MERTK: variants seen among roughly 807,000 people sequenced by gnomAD.
The protein encoded by MERTK is MER proto-oncogene, tyrosine kinase, also known as tyrosine-protein kinase Mer.
MERTK carries 69 observed loss-of-function variants against 99.3 expected under a neutral mutation model. That is an observed-to-expected ratio of 0.70 (90% CI 0.57 to 0.85). MERTK has a LOEUF of 0.85. Among genes scored for constraint, MERTK ranks in the 40% least tolerant of loss-of-function variants. The pLI is 0.00. For synonymous variants in MERTK, 426 were observed against 467.6 expected, an observed-to-expected ratio of 0.91 and a Z score of 1.15; for missense variants, 1,125 against 1,249.4, an observed-to-expected ratio of 0.90 and a Z score of 1.50.
intron 3 of MERTK, 121 bp from the exon 4 acceptor site, chr2:111,947,273 C>T (rs1175377768): frequency 3.1e-6 from 2 of 643,938 alleles, no homozygotes; most frequent in Non-Finnish European, 2.7e-6. Context: ...ACTCCATCCC[C>T]ACCCGCCCCC....
intron 3 of MERTK, among the ~76,000 whole-genome samples, chr2:111,945,815 C>T (rs1043442289): frequency 2.6e-5 from 4 of 152,220 alleles, no homozygotes; most frequent in African/African-American, 9.6e-5. Flanking sequence ...TATTATCACC[C>T]TCAGAGGTCA....
intron 14 of MERTK, 25 bp downstream of exon 14, chr2:112,008,500 G>C: frequency 6.3e-7 from 1 of 1,582,680 alleles, no homozygotes; most frequent in Non-Finnish European, 8.7e-7. Flanking sequence ...TGCAGGAGTG[G>C]GTGGCCAAGA....
chr2:111,903,168 C>G (rs1241824459), intron 1 of MERTK, among the ~76,000 whole-genome samples: 2 of 152,196 alleles, frequency 1.3e-5, no homozygotes, highest in Admixed American at 1.3e-4. Flanking sequence ...TCACTGCTAA[C>G]ACAGCATGGA....
intron 7 of MERTK, among the ~76,000 whole-genome samples, chr2:111,976,558 GTGTGTGTGTGTGTA>G (rs1676256141): frequency 2.7e-5 from 4 of 147,708 alleles, no homozygotes; most frequent in Admixed American, 2.0e-4. Flanking sequence ...GTGTGTGTGT[GTGTGTGTGTGTGTA>G]GGTTATTATA....
intron 18 of MERTK, among the ~76,000 whole-genome samples, chr2:112,025,273 C>T (rs1374724746): frequency 1.3e-5 from 2 of 152,188 alleles, no homozygotes; most frequent in Non-Finnish European, 2.9e-5. Context: ...GCATCAGCCA[C>T]CTTGAAGCTG....
At chr2:111,912,433 G>A (rs1456632880) in intron 1 of MERTK, among the ~76,000 whole-genome samples, 2 of 152,172 alleles carry the variant, frequency 1.3e-5, no homozygotes, top group Non-Finnish European at 2.9e-5. Flanking sequence ...GATTTTAAGT[G>A]TGGAGTCTGA....
At chr2:111,944,523 T>G (rs1344320479) in intron 2 of MERTK, among the ~76,000 whole-genome samples, 4 of 152,422 alleles carry the variant, frequency 2.6e-5, no homozygotes, top group African/African-American at 4.8e-5. Flanking sequence ...TTCCTCTGTT[T>G]TAAGGAATTA....
intron 15 of MERTK, among the ~76,000 whole-genome samples, chr2:112,016,891 G>A (rs764744583): frequency 5.9e-5 from 9 of 152,270 alleles, no homozygotes; most frequent in Middle Eastern, 3.4e-3. Flanking sequence ...GGATGTGTCC[G>A]GAGTTGGTTC....
chr2:112,005,985 ATTC>A (rs1165264550), intron 13 of MERTK, among the ~76,000 whole-genome samples: 3 of 152,068 alleles, frequency 2.0e-5, no homozygotes, highest in African/African-American at 7.2e-5. Flanking sequence ...GGTTCGAGCA[ATTC>A]TTCTGCCTCA....
intron 2 of MERTK, among the ~76,000 whole-genome samples, chr2:111,937,308 CA>C (rs1297330598): frequency 1.3e-5 from 2 of 151,302 alleles, no homozygotes; most frequent in South Asian, 2.1e-4. Flanking sequence ...AAAAATTAGG[CA>C]GACATGGTGG....
At chr2:111,999,936 A>C (rs1676834966) in intron 10 of MERTK, among the ~76,000 whole-genome samples, 1 of 152,218 alleles carries the variant, frequency 6.6e-6, no homozygotes, top group South Asian at 2.1e-4. Context: ...GTACATTCTC[A>C]AGGGCCCGGG....
chr2:111,971,308 A>G (rs1676115350), intron 6 of MERTK, among the ~76,000 whole-genome samples: 2 of 151,390 alleles, frequency 1.3e-5, no homozygotes, highest in African/African-American at 2.4e-5. Flanking sequence ...TTTGTATTCT[A>G]TATTTTCTTT....
chr2:111,977,261 A>G (rs1676271995), intron 7 of MERTK, among the ~76,000 whole-genome samples: 1 of 152,046 alleles, frequency 6.6e-6, no homozygotes, highest in Non-Finnish European at 1.5e-5. Context: ...TTTACTTTTG[A>G]AGTGTTCTTA....
At chr2:112,019,336 T>TC (rs3841094) in intron 15 of MERTK, 77 bp from the exon 16 acceptor site, 235,091 of 996,254 alleles carry the variant, frequency 0.24, 28,039 homozygotes, top group Admixed American at 0.36. Context: ...AAGCATCCTT[T>TC]CCCCCCCCGG....
chr2:112,022,236 C>CT, intron 17 of MERTK, 22 bp from the exon 18 acceptor site: 1 of 1,614,204 alleles, frequency 6.2e-7, no homozygotes, highest in Non-Finnish European at 8.5e-7. Context: ...TGCATCCTAA[C>CT]TTGTTGTTGC....
intron 4 of MERTK, among the ~76,000 whole-genome samples, chr2:111,961,451 G>C (rs556655877): frequency 6.6e-6 from 1 of 151,862 alleles, no homozygotes; most frequent in South Asian, 2.1e-4. Flanking sequence ...CACCGCACCC[G>C]GCCGGCGTTT....
chr2:111,951,548 T>TATATATATATAC (rs1491494901), intron 4 of MERTK, among the ~76,000 whole-genome samples: 2 of 118,914 alleles, frequency 1.7e-5, no homozygotes, highest in African/African-American at 5.8e-5. Flanking sequence ...TATATATATA[T>TATATATATATAC]ACCATAATTT....
At position 111,945,019 on chromosome 2, in the gene MERTK, AT is replaced by A; in HGVS notation, c.543del (p.Asn181LysfsTer26). 6.2e-7 allele frequency: 1 copy of A among 1,613,824 alleles called. No individual in the cohort carries two copies. Among genetic ancestry groups the A allele is most frequent in the Non-Finnish European group, 8.5e-7 (1 of 1,179,802 alleles). On this transcript the variant is annotated frameshift_variant, in exon 3 of 19. Transcript: ENST00000295408. LOFTEE classifies it high-confidence loss of function. ...TATATCTGTAAGATGAAAATAAACAATGAAGAGATCGTGTCTGATCCCATCT... is the reference window on the plus strand; with the variant it reads ...TATATCTGTAAGATGAAAATAAACAAGAAGAGATCGTGTCTGATCCCATCT... ...GSYICKMKIN[N>X]EEIVSDPIYI...
At chr2:112,018,830 A>C (rs1355703243) in intron 15 of MERTK, among the ~76,000 whole-genome samples, 1 of 152,204 alleles carries the variant, frequency 6.6e-6, no homozygotes, top group Non-Finnish European at 1.5e-5. Flanking sequence ...GCAAAATGAA[A>C]ATTCCTGAAT....
Sources: gnomAD v4.1 joint callset for allele counts (sites outside exome capture counted in the v4.1 genomes callset) on GRCh38, gnomAD v4.1.1 for gene constraint, MANE v1.5 for transcripts, NCBI Gene and HGNC (gene_info 2026-07-23, HGNC 2026-07-21) for gene names.